Variants in TIAM1 observed in about 807,000 individuals in gnomAD.
TIAM1 encodes the protein rho guanine nucleotide exchange factor TIAM1.
TIAM1 carries 65 observed loss-of-function variants against 163.5 expected under a neutral mutation model. That is an observed-to-expected ratio of 0.40 (90% CI 0.33 to 0.49). The LOEUF (loss-of-function observed/expected upper bound fraction) is 0.49. TIAM1 is among the 20% of genes least tolerant of loss of function. The pLI is 0.77. For missense variants in TIAM1, 1,789 were observed against 2,044.7 expected (o/e 0.87, Z 2.41); for synonymous variants, 833 against 810.1 (o/e 1.03, Z -0.48).
intron 4 of TIAM1, among the ~76,000 whole-genome samples, chr21:31,261,455 T>G (rs1392179123): frequency 6.6e-6 from 1 of 152,130 alleles, no homozygotes; most frequent in Non-Finnish European, 1.5e-5. Flanking sequence ...CTCACGCCTG[T>G]AATCCTAGCA....
intron 2 of TIAM1, among the ~76,000 whole-genome samples, chr21:31,372,102 A>T (rs75802220): frequency 0.022 from 3,338 of 152,312 alleles, 114 homozygotes; most frequent in African/African-American, 0.076. Flanking sequence ...CCCAACGCGG[A>T]AGGCTCATTT....
chr21:31,476,586 CTT>C (rs1482956583), intron 1 of TIAM1, among the ~76,000 whole-genome samples: 1 of 152,202 alleles, frequency 6.6e-6, no homozygotes, highest in African/African-American at 2.4e-5. Context: ...TTCATTTTCT[CTT>C]CTCATTTTCC....
At chr21:31,466,873 C>T (rs779341011) in intron 1 of TIAM1, among the ~76,000 whole-genome samples, 6 of 151,582 alleles carry the variant, frequency 4.0e-5, no homozygotes, top group Non-Finnish European at 8.8e-5. Context: ...AATTTATATA[C>T]AATTCCCTGT....
chr21:31,340,998 T>C (rs2147095788), intron 1 of TIAM1, among the ~76,000 whole-genome samples: 1 of 151,850 alleles, frequency 6.6e-6, no homozygotes, highest in East Asian at 1.9e-4. Flanking sequence ...AGAGAACAAA[T>C]GGGGGAAGTG....
chr21:31,461,935 G>A (rs187385261), intron 2 of TIAM1, among the ~76,000 whole-genome samples: 2 of 152,292 alleles, frequency 1.3e-5, no homozygotes, highest in South Asian at 2.1e-4. Flanking sequence ...CCAAAGTGCC[G>A]GGATTACAGG....
intron 2 of TIAM1, among the ~76,000 whole-genome samples, chr21:31,314,843 C>A (rs2075050493): frequency 1.3e-5 from 2 of 152,132 alleles, no homozygotes; most frequent in Non-Finnish European, 2.9e-5. Context: ...GGATGCTTAG[C>A]ACACGATCCC....
intron 1 of TIAM1, among the ~76,000 whole-genome samples, chr21:31,537,655 G>C (rs982083521): frequency 2.0e-5 from 3 of 151,784 alleles, no homozygotes; most frequent in African/African-American, 7.3e-5. Flanking sequence ...GAAAGGCTGA[G>C]ACACAAGAAT....
chr21:31,270,922 C>T (rs1237099706), intron 3 of TIAM1, among the ~76,000 whole-genome samples: 1 of 152,180 alleles, frequency 6.6e-6, no homozygotes, highest in Non-Finnish European at 1.5e-5. Context: ...GCCTACTCCA[C>T]CAAGTTCCTT....
intron 1 of TIAM1, among the ~76,000 whole-genome samples, chr21:31,519,305 C>CAAA (rs369132676): frequency 6.8e-4 from 36 of 53,094 alleles, no homozygotes; most frequent in African/African-American, 1.1e-3. Flanking sequence ...AACTCTGTCT[C>CAAA]AAAAAAAAAA....
At chr21:31,208,911 T>C (rs1035928986) in intron 11 of TIAM1, among the ~76,000 whole-genome samples, 4 of 152,184 alleles carry the variant, frequency 2.6e-5, no homozygotes, top group African/African-American at 9.6e-5. Flanking sequence ...ATTTCATCCA[T>C]CCAACTTCTT....
chr21:31,242,245 C>G (rs973918779), intron 6 of TIAM1, among the ~76,000 whole-genome samples: 3 of 152,118 alleles, frequency 2.0e-5, no homozygotes, highest in Admixed American at 2.0e-4. Flanking sequence ...CCAGGCCAGG[C>G]ACAGTGGCTC....
chr21:31,413,268 T>TC lies in TIAM1; in HGVS notation c.-369+50714_-369+50715insG, dbSNP rs1306791636. Among the ~76,000 whole-genome samples, 6 of 131,154 alleles carry TC rather than the reference T, an allele frequency of 4.6e-5. No homozygotes were observed. The East Asian group carries it at 6.6e-4, about 14-fold the overall frequency. The allele number at this position is 131,154 out of a possible 152,430, so 86.0% of individuals were successfully genotyped here. A position where few individuals can be genotyped will look rare whatever the true frequency, so the allele number is the denominator to read the frequency against. On this transcript the variant is annotated intron_variant, in intron 2 of 28. Transcript: ENST00000286827. ...TTTTTTCTTTTCTTTTCTTTTCTTT[T>TC]TTTTTTTTTTTTTTTTTTTGAGACG...
intron 15 of TIAM1, among the ~76,000 whole-genome samples, chr21:31,166,100 G>A (rs1568953314): frequency 1.3e-5 from 2 of 152,352 alleles, no homozygotes; most frequent in South Asian, 2.1e-4. Flanking sequence ...TCATTCAACA[G>A]GCATGGGGTT....
At chr21:31,182,713 T>C (rs2085092669) in intron 14 of TIAM1, 68 bp from the exon 15 acceptor site, 1 of 1,490,356 alleles carries the variant, frequency 6.7e-7, no homozygotes, top group South Asian at 1.3e-5. Context: ...TTAGGAGCTC[T>C]GCTATAAAGG....
At chr21:31,225,034 A>G (rs940218844) in intron 7 of TIAM1, among the ~76,000 whole-genome samples, 1 of 152,058 alleles carries the variant, frequency 6.6e-6, no homozygotes, top group South Asian at 2.1e-4. Flanking sequence ...ATATCTATAT[A>G]TATAGAGAGA....
chr21:31,501,759 C>T (rs1180975612), intron 1 of TIAM1, among the ~76,000 whole-genome samples: 3 of 152,176 alleles, frequency 2.0e-5, no homozygotes, highest in African/African-American at 2.4e-5. Flanking sequence ...TCTACCACCA[C>T]GCCTGGCTAA....
chr21:31,365,383 C>CTTTTTT lies in TIAM1; in HGVS notation c.-368-25962_-368-25961insAAAAAA, dbSNP rs201546931. Among the ~76,000 whole-genome samples the CTTTTTT allele has an allele frequency of 1.9e-3, 265 of 138,360 alleles. 2 individuals are homozygous for CTTTTTT. Among genetic ancestry groups the CTTTTTT allele is most frequent in the African/African-American group, 4.6e-3 (171 of 37,226 alleles). The allele number at this position is 138,360 out of a possible 152,430, so 90.8% of individuals were successfully genotyped here. A position where few individuals can be genotyped will look rare whatever the true frequency, so the allele number is the denominator to read the frequency against. On this transcript the variant is annotated intron_variant, in intron 2 of 28. Transcript: ENST00000286827. The stretch of plus-strand genomic sequence containing the variant: ...GGCAGGGTCTGTGTCTCACTTATTT[C>CTTTTTT]TTTCTTTTTTTTTTTTTTTTTTTGA...
In TIAM1 at chr21:31,360,725, C is replaced by T. The variant is rs1230520364; in HGVS notation, c.-368-21303G>A. Among the ~76,000 whole-genome samples the T allele has an allele frequency of 3.3e-5, 5 of 152,074 alleles. 1 individual carries two copies. The highest frequency in any genetic ancestry group is 4.1e-4 in the South Asian group (2 of 4,822). ...AAATCAATAAGAAAAACATCAACTA[C>T]CAAATAAAAAATGACAAGTGACATT... On this transcript the variant is annotated intron_variant, in intron 2 of 28. Transcript: ENST00000286827.
At chr21:31,417,184 G>A (rs2043403019) in intron 2 of TIAM1, among the ~76,000 whole-genome samples, 1 of 152,058 alleles carries the variant, frequency 6.6e-6, no homozygotes, top group Non-Finnish European at 1.5e-5. Flanking sequence ...CACCACGTCT[G>A]GCTAATTTTT....
Sources: gnomAD v4.1 joint callset for allele counts (sites outside exome capture counted in the v4.1 genomes callset) on GRCh38, gnomAD v4.1.1 for gene constraint, MANE v1.5 for transcripts, NCBI Gene and HGNC (gene_info 2026-07-23, HGNC 2026-07-21) for gene names.